Variants in AKAP8L observed in about 807,000 individuals in gnomAD.
AKAP8L encodes the protein A-kinase anchoring protein 8 like, also known as A-kinase anchor protein 8-like.
In AKAP8L, 34 loss-of-function variants were observed where a neutral mutation model predicts 77.5. The observed-to-expected ratio is 0.44, with a 90% CI of 0.33 to 0.58. AKAP8L has a LOEUF of 0.58. AKAP8L is among the 20% of genes least tolerant of loss of function. The probability of loss-of-function intolerance (pLI) is 0.02; values close to 1 mark genes in which losing one functional copy is unlikely to be tolerated. For missense variants in AKAP8L, 806 were observed against 887.6 expected (o/e 0.91, Z 1.17); for synonymous variants, 342 against 340.7 (o/e 1.00, Z -0.04).
At position 15,401,909 on chromosome 19, in the gene AKAP8L, T is replaced by C. The variant is rs10854143; in HGVS notation, c.363-306A>G. 0.52 allele frequency among the ~76,000 whole-genome samples: 78,993 copies of C among 151,942 alleles called. 20,554 individuals carry two copies. Among genetic ancestry groups the C allele is most frequent in the East Asian group, 0.58 (2,990 of 5,156 alleles). On this transcript the variant is annotated intron_variant, in intron 4 of 13. Coordinates refer to ENST00000397410, the MANE Select transcript of AKAP8L (RefSeq NM_014371.4). This position sits in a 1 kb window ranked among gnomAD's most constrained non-coding sequence, Gnocchi z 6.2. ...GGGGCAGAGCTGCTCCACAGCCCTT[T>C]GGGAACATGTACACCATCTGTGGGA...
At chr19:15,393,030 AATAG>A (rs1247979537) in intron 12 of AKAP8L, among the ~76,000 whole-genome samples, 1 of 152,138 alleles carries the variant, frequency 6.6e-6, no homozygotes, top group Non-Finnish European at 1.5e-5. Context: ...TAGAAGACTT[AATAG>A]CTATGGTCAA....
At chr19:15,411,094 G>A (rs558081555) in intron 1 of AKAP8L, among the ~76,000 whole-genome samples, 1 of 152,254 alleles carries the variant, frequency 6.6e-6, no homozygotes, top group African/African-American at 2.4e-5. Context: ...GATTACAGGT[G>A]TGAGCCACAG....
At chr19:15,409,139 A>G (rs1785208125) in intron 2 of AKAP8L, among the ~76,000 whole-genome samples, 2 of 152,328 alleles carry the variant, frequency 1.3e-5, no homozygotes, top group East Asian at 1.9e-4. Flanking sequence ...GAAAAGATTG[A>G]ATTGGGCTTC....
intron 12 of AKAP8L, among the ~76,000 whole-genome samples, chr19:15,393,162 C>G (rs1451944264): frequency 6.6e-6 from 1 of 151,924 alleles, no homozygotes; most frequent in East Asian, 1.9e-4. Flanking sequence ...AAGTTAGAAC[C>G]TTACCTCATA....
chr19:15,397,820 G>T lies in AKAP8L; in HGVS notation c.1193C>A (p.Thr398Asn). ...QFVCSLCKYR[T>N]FYEDEMASHL... Reference sequence around the variant, plus strand: ...GCTGGCCATCTCGTCCTCATAGAAGGTCCGGTATTTGCACAGAGAACACAC... The same window carrying T: ...GCTGGCCATCTCGTCCTCATAGAAGTTCCGGTATTTGCACAGAGAACACAC... The change falls in exon 10 of 14, where the codon ACC (threonine) becomes AAC (asparagine). Residue 398 changes from threonine (T) to asparagine (N), a missense_variant. By Grantham distance (65) the Thr-to-Asn change is moderately conservative. Transcript: ENST00000397410. The surrounding 1 kb of genome is among the most constrained non-coding windows in gnomAD (Gnocchi z 4.7). The T allele has an allele frequency of 6.2e-7, 1 of 1,613,916 alleles. No homozygotes were observed. The highest frequency in any genetic ancestry group is 8.5e-7 in the Non-Finnish European group (1 of 1,179,878).
Position 15,403,930 on chromosome 19 carries a change from G to T in AKAP8L, c.121+80C>A. ...ATGCCCCCTCCCCACTCCCAACCTT[G>T]GCCAAGCAGGGCAGTGGCAGAGAAA... On this transcript the variant is annotated intron_variant, in intron 3 of 13. Transcript: ENST00000397410. This position sits in a 1 kb window ranked among gnomAD's most constrained non-coding sequence, Gnocchi z 4.3. 1 of 1,541,076 alleles carries T rather than the reference G, an allele frequency of 6.5e-7. No homozygotes were observed. Among genetic ancestry groups the T allele is most frequent in the Non-Finnish European group, 8.9e-7 (1 of 1,119,070 alleles).
Position 15,380,525 on chromosome 19 carries a change from A to AGC in AKAP8L, c.1622_1623dup (p.Tyr542AlafsTer3). ...CCGGACCAGTGCCTCACCTTCAGGTAGCGCTCCAGCTTCTTGCTGATGAGC... is the reference window on the plus strand; with the variant it reads ...CCGGACCAGTGCCTCACCTTCAGGTAGCGCGCTCCAGCTTCTTGCTGATGAGC... On this transcript the variant is annotated frameshift_variant, in exon 13 of 14. Transcript: ENST00000397410. LOFTEE classifies it low-confidence loss of function (END_TRUNC). 1 of 1,613,924 alleles carries AGC rather than the reference A, an allele frequency of 6.2e-7. No individual in the cohort carries two copies. Among genetic ancestry groups the AGC allele is most frequent in the Non-Finnish European group, 8.5e-7 (1 of 1,179,890 alleles).
intron 8 of AKAP8L, 146 bp downstream of exon 8, chr19:15,400,149 A>C: frequency 1.3e-6 from 1 of 781,388 alleles, no homozygotes. Context: ...GGCGAAAAGA[A>C]AGCCCCCTGC....
In AKAP8L at chr19:15,401,516, G is replaced by C. The variant is rs376744563; in HGVS notation, c.450C>G (p.Asp150Glu). 11 of 1,613,840 alleles carry C rather than the reference G, an allele frequency of 6.8e-6. No homozygotes were observed. The African/African-American group carries it at 1.5e-4, about 21-fold the overall frequency. The change falls in exon 5 of 14, where the codon GAC (aspartate) becomes GAG (glutamate). Residue 150 changes from aspartate (D) to glutamate (E), a missense_variant. Physicochemically the swap from Asp to Glu is conservative, Grantham distance 45 (BLOSUM62 2). This residue lies in a region of AKAP8L where 580 missense variants were observed against 694.1 expected (regional missense o/e 0.84). Coordinates refer to ENST00000397410, the MANE Select transcript of AKAP8L (RefSeq NM_014371.4). This position sits in a 1 kb window ranked among gnomAD's most constrained non-coding sequence, Gnocchi z 6.2. ...YRSGYDYSEL[D>E]PEMEMAYEGQ... ...CCTCATAGGCCATTTCCATCTCAGG[G>C]TCAAGCTCGCTGTAGTCATAGCCTG...
rs1968221089 is a variant in AKAP8L at position 15,417,124 on chromosome 19, G to C, written c.13+1787C>G. Among the ~76,000 whole-genome samples the C allele has an allele frequency of 2.0e-5, 3 of 152,056 alleles. 1 individual carries two copies. The South Asian group carries it at 6.2e-4, about 31-fold the overall frequency. ...TACAAGACCTAGAGCTGGAATTCAG[G>C]TTTGGTCATTAGTGACCTTGTATCT... is the stretch of plus-strand genomic sequence containing the variant. On this transcript the variant is annotated intron_variant, in intron 1 of 13. Transcript: ENST00000397410.
At position 15,401,770 on chromosome 19, in the gene AKAP8L, T is replaced by C. The variant is rs369563868; in HGVS notation, c.363-167A>G. On this transcript the variant is annotated intron_variant, in intron 4 of 13. Coordinates refer to ENST00000397410, the MANE Select transcript of AKAP8L (RefSeq NM_014371.4). The surrounding 1 kb of genome is among the most constrained non-coding windows in gnomAD (Gnocchi z 6.2). ...AAGAGTTCCAGCCTCTCAGCTGATATAGGGGCACCACTGCCCCAAACTTGA... is the reference window on the plus strand; with the variant it reads ...AAGAGTTCCAGCCTCTCAGCTGATACAGGGGCACCACTGCCCCAAACTTGA... Among the ~76,000 whole-genome samples the C allele has an allele frequency of 2.9e-4, 44 of 152,228 alleles. No homozygotes were observed. The highest frequency in any genetic ancestry group is 1.0e-3 in the African/African-American group (42 of 41,456).
chr19:15,406,831 T>G (rs528772636), intron 2 of AKAP8L, among the ~76,000 whole-genome samples: 4 of 152,174 alleles, frequency 2.6e-5, no homozygotes, highest in African/African-American at 4.8e-5. Context: ...GGACCAAAAA[T>G]AGAAAACAAT....
Position 15,400,969 on chromosome 19 carries a change from C to G in AKAP8L, c.891G>C (p.Ser297=), listed in dbSNP as rs772789156. 1.2e-6 allele frequency: 2 copies of G among 1,613,972 alleles called. No individual in the cohort carries two copies. Among genetic ancestry groups the G allele is most frequent in the Admixed American group, 3.3e-5 (2 of 60,020 alleles). Residue 297 remains serine (S), a synonymous_variant, in exon 6 of 14, where the codon TCG becomes TCC. Coordinates refer to ENST00000397410, the MANE Select transcript of AKAP8L (RefSeq NM_014371.4). Reference sequence around the variant, plus strand: ...CACCATTGTCTGAGTCGCTGTTGTCCGAGCAGTCCGTGCGGGTGGCTTTGC... The same window carrying G: ...CACCATTGTCTGAGTCGCTGTTGTCGGAGCAGTCCGTGCGGGTGGCTTTGC... ...PDSKATRTDC[S]DNSDSDNDEG... is the part of the protein sequence containing the mutation.
At chr19:15,407,629 A>G (rs1170532757) in intron 2 of AKAP8L, among the ~76,000 whole-genome samples, 2 of 152,230 alleles carry the variant, frequency 1.3e-5, no homozygotes, top group Non-Finnish European at 2.9e-5. Context: ...ATGAATGGAA[A>G]GTTTTTAAAA....
chr19:15,380,303 G>A lies in AKAP8L; in HGVS notation c.1760C>T (p.Ala587Val). The A allele has an allele frequency of 1.3e-6, 2 of 1,529,006 alleles. No individual in the cohort carries two copies. Among genetic ancestry groups the A allele is most frequent in the East Asian group, 2.5e-5 (1 of 40,276 alleles). The allele number at this position is 1,529,006 out of a possible 1,614,324, so 94.7% of individuals were successfully genotyped here. The stretch of plus-strand genomic sequence containing the variant: ...TGGCTCTGGGGGCACGGGAGGCTGC[G>A]CCGGCACGCCCTCTGCGCCCTCCGA... Reference protein sequence around the residue: ...GISEGAEGVPAQPPVPPEPAP... With the variant: ...GISEGAEGVPVQPPVPPEPAP... The change falls in exon 14 of 14, where the codon GCG becomes GTG. Residue 587 changes from alanine (A) to valine (V), a missense_variant. Ala to Val is a moderately conservative substitution (Grantham distance 64). Coordinates refer to ENST00000397410, the MANE Select transcript of AKAP8L (RefSeq NM_014371.4).
chr19:15,380,242 G>GGGCGGC lies in AKAP8L; in HGVS notation c.1815_1820dup (p.Pro607_Pro608dup). The GGGCGGC allele has an allele frequency of 2.0e-6, 3 of 1,500,020 alleles. No homozygotes were observed. Among genetic ancestry groups the GGGCGGC allele is most frequent in the Non-Finnish European group, 2.6e-6 (3 of 1,134,722 alleles). The allele number at this position is 1,500,020 out of a possible 1,614,324, so 92.9% of individuals were successfully genotyped here. Reference sequence around the variant, plus strand: ...CGGCGCCCTCCTCCTCCTCCTCTGGGGGCGGCGGCGGTGGCGGCGACACGG... The same window carrying GGGCGGC: ...CGGCGCCCTCCTCCTCCTCCTCTGGGGGCGGCGGCGGCGGCGGTGGCGGCGACACGG... On this transcript the variant is annotated inframe_insertion, in exon 14 of 14. Coordinates refer to ENST00000397410, the MANE Select transcript of AKAP8L (RefSeq NM_014371.4).
chr19:15,381,926 G>C (rs1280551077), intron 12 of AKAP8L: 1 of 152,198 alleles, frequency 6.6e-6, no homozygotes, highest in Non-Finnish European at 1.5e-5. Flanking sequence ...TGGTTTCAAA[G>C]TGATAGTGCC....
intron 2 of AKAP8L, chr19:15,404,304 A>C: frequency 2.2e-6 from 1 of 460,650 alleles, no homozygotes. Context: ...TGGCTCCTAT[A>C]CTCCTCCCTT....
chr19:15,412,033 C>T (rs1374554055), intron 1 of AKAP8L, among the ~76,000 whole-genome samples: 1 of 152,208 alleles, frequency 6.6e-6, no homozygotes, highest in African/African-American at 2.4e-5. Flanking sequence ...TATGGTGAAA[C>T]CCTGTCTCTA....
Sources: allele counts gnomAD v4.1 joint callset (sites outside exome capture counted in the v4.1 genomes callset), GRCh38; gene constraint gnomAD v4.1.1; regional missense constraint gnomAD v4.1.1; non-coding constraint Gnocchi (gnomAD v3.1); transcripts MANE v1.5; gene names NCBI Gene and HGNC (gene_info 2026-07-23, HGNC 2026-07-21).